PPP2R5A: variants seen among roughly 807,000 people sequenced by gnomAD.
The protein encoded by PPP2R5A is serine/threonine-protein phosphatase 2A 56 kDa regulatory subunit alpha isoform.
Under a neutral mutation model 64.2 loss-of-function variants are expected in PPP2R5A, and 25 were observed. The ratio of observed to expected loss-of-function variants is 0.39; its 90% CI spans 0.28 to 0.54. The LOEUF is 0.54. PPP2R5A is among the 20% of genes least tolerant of loss of function. PPP2R5A has a pLI of 0.67. For missense variants in PPP2R5A, 425 were observed against 576.3 expected (o/e 0.74, Z 2.69); for synonymous variants, 198 against 201.2 (o/e 0.98, Z 0.13).
At position 212,286,274 on chromosome 1, in the gene PPP2R5A, C is replaced by T. The variant is rs977767402; in HGVS notation, c.164C>T (p.Pro55Leu). The T allele has an allele frequency of 1.3e-6, 2 of 1,528,238 alleles. No homozygotes were observed. The highest frequency in any genetic ancestry group is 1.4e-5 in the African/African-American group (1 of 70,670). 94.7% of individuals were successfully genotyped at this position (1,528,238 alleles called of 1,614,324 possible). A position where few individuals can be genotyped will look rare whatever the true frequency, so the allele number is the denominator to read the frequency against. The change falls in exon 1 of 13, where the codon CCG (proline) becomes CTG (leucine). Residue 55 changes from proline to leucine, a missense_variant. Physicochemically the swap from Pro to Leu is moderately conservative, Grantham distance 98 (BLOSUM62 -3). Transcript: ENST00000261461. ...RSQGSQAELH[P>L]LPQLKDATSN... is the part of the protein sequence containing the mutation. Reference sequence around the variant, plus strand: ...CAGGGCAGCCAGGCAGAGCTGCACCCGCTGCCCCAGCTCAAAGGTAACCTC... The same window carrying T: ...CAGGGCAGCCAGGCAGAGCTGCACCTGCTGCCCCAGCTCAAAGGTAACCTC...
intron 1 of PPP2R5A, among the ~76,000 whole-genome samples, chr1:212,289,985 C>A (rs1658571653): frequency 6.6e-6 from 1 of 152,120 alleles, no homozygotes; most frequent in African/African-American, 2.4e-5. Context: ...AGAAATCAAC[C>A]TAACCAGTAG....
intron 8 of PPP2R5A, among the ~76,000 whole-genome samples, chr1:212,351,771 A>C (rs920519859): frequency 6.6e-6 from 1 of 152,120 alleles, no homozygotes; most frequent in African/African-American, 2.4e-5. Context: ...CTAAATATTC[A>C]TTACAGCTAA....
At chr1:212,316,237 T>G (rs1659150190) in intron 1 of PPP2R5A, among the ~76,000 whole-genome samples, 1 of 152,192 alleles carries the variant, frequency 6.6e-6, no homozygotes, top group African/African-American at 2.4e-5. Flanking sequence ...GCTAGGCCTC[T>G]TGTACCAAAC....
intron 1 of PPP2R5A, chr1:212,306,821 G>A (rs1379151501): frequency 1.3e-5 from 2 of 151,866 alleles, no homozygotes; most frequent in African/African-American, 2.4e-5. Flanking sequence ...GTAGTGGCGC[G>A]ATCTCCACTC....
intron 1 of PPP2R5A, among the ~76,000 whole-genome samples, chr1:212,293,057 A>T (rs1658631107): frequency 6.6e-6 from 1 of 152,236 alleles, no homozygotes; most frequent in African/African-American, 2.4e-5. Flanking sequence ...GGATGCTAAA[A>T]GCCTAAAACA....
chr1:212,327,668 C>A (rs1659429820), intron 1 of PPP2R5A, among the ~76,000 whole-genome samples: 1 of 152,198 alleles, frequency 6.6e-6, no homozygotes, highest in Non-Finnish European at 1.5e-5. Flanking sequence ...CCTGCCTCAG[C>A]CTTCCAAAGT....
At chr1:212,313,500 T>C (rs1188546103) in intron 1 of PPP2R5A, among the ~76,000 whole-genome samples, 1 of 152,308 alleles carries the variant, frequency 6.6e-6, no homozygotes, top group Admixed American at 6.5e-5. Context: ...TTTGGGTTTT[T>C]TTCTTAATGA....
Position 212,285,861 on chromosome 1 carries a change from C to A in PPP2R5A, c.-250C>A. The A allele has an allele frequency of 2.6e-6, 1 of 387,170 alleles. No individual in the cohort carries two copies. The highest frequency in any genetic ancestry group is 4.6e-6 in the Non-Finnish European group (1 of 219,774). The allele number at this position is 387,170 out of a possible 1,614,324, so 24.0% of individuals were successfully genotyped here. On this transcript the variant is annotated 5_prime_UTR_variant, in exon 1 of 13. Coordinates refer to ENST00000261461, the MANE Select transcript of PPP2R5A (RefSeq NM_006243.4). ...CTTCTTCACCCCCCTCCGCCCCCGC[C>A]CTTCCCTCCGTCAGCCCCGGGAGCT...
intron 1 of PPP2R5A, among the ~76,000 whole-genome samples, chr1:212,326,164 A>G (rs981456455): frequency 6.6e-6 from 1 of 152,120 alleles, no homozygotes; most frequent in Non-Finnish European, 1.5e-5. Flanking sequence ...TTCACCCCCA[A>G]TAGAATGAAT....
intron 1 of PPP2R5A, among the ~76,000 whole-genome samples, chr1:212,304,611 G>A (rs1474840772): frequency 4.6e-5 from 7 of 151,194 alleles, no homozygotes; most frequent in Non-Finnish European, 1.0e-4. Flanking sequence ...TGCAGTGGCC[G>A]TTCACAGATG....
chr1:212,319,898 CA>C (rs1409018168), intron 1 of PPP2R5A, among the ~76,000 whole-genome samples: 1 of 150,408 alleles, frequency 6.6e-6, no homozygotes, highest in Non-Finnish European at 1.5e-5. Flanking sequence ...GCTGGGATTA[CA>C]GGCATGAGCC....
chr1:212,321,289 C>G (rs1041632771), intron 1 of PPP2R5A, among the ~76,000 whole-genome samples: 9 of 147,912 alleles, frequency 6.1e-5, no homozygotes, highest in African/African-American at 2.3e-4. Flanking sequence ...CCCCTCACCT[C>G]CCGGACGGGG....
chr1:212,338,419 C>CT (rs1659625822), intron 3 of PPP2R5A, among the ~76,000 whole-genome samples: 1 of 152,186 alleles, frequency 6.6e-6, no homozygotes, highest in Non-Finnish European at 1.5e-5. Context: ...CTTTGCAACA[C>CT]TGTTTCTTAG....
chr1:212,352,523 G>A (rs1659905584), intron 8 of PPP2R5A, among the ~76,000 whole-genome samples: 1 of 151,676 alleles, frequency 6.6e-6, no homozygotes, highest in Non-Finnish European at 1.5e-5. Flanking sequence ...GATTGTGGCT[G>A]ACGGCAGCCC....
chr1:212,310,930 C>G (rs1338140655), intron 1 of PPP2R5A, among the ~76,000 whole-genome samples: 4 of 152,196 alleles, frequency 2.6e-5, no homozygotes, highest in African/African-American at 9.7e-5. Context: ...CTCTGCGTCT[C>G]TTTGAAGTAG....
At chr1:212,344,686 TAA>T (rs371695845) in intron 4 of PPP2R5A, among the ~76,000 whole-genome samples, 1 of 152,150 alleles carries the variant, frequency 6.6e-6, no homozygotes, top group South Asian at 2.1e-4. Context: ...CAGAAGAAAT[TAA>T]GTTTCTTTAC....
chr1:212,311,774 A>G (rs1050607263), intron 1 of PPP2R5A, among the ~76,000 whole-genome samples: 4 of 152,214 alleles, frequency 2.6e-5, no homozygotes, highest in Non-Finnish European at 4.4e-5. Flanking sequence ...TCTGAAAAAT[A>G]GAAAAAAGCT....
rs1204956766 is a variant in PPP2R5A, at chr1:212,358,752, T to C, written c.1293T>C (p.Asp431=). 1 of 1,613,514 alleles carries C rather than the reference T, an allele frequency of 6.2e-7. No homozygotes were observed. Among genetic ancestry groups the C allele is most frequent in the African/African-American group, 1.3e-5 (1 of 74,922 alleles). ...TLMEMNGKLF[D]DLTSSYKAER... ...TGGAAATGAATGGCAAGCTTTTCGA[T>C]GACCTTACTAGCTCATACAAAGCTG... The change falls in exon 12 of 13, where the codon GAT becomes GAC. Residue 431 remains aspartate (D), a synonymous_variant. Coordinates refer to ENST00000261461, the MANE Select transcript of PPP2R5A (RefSeq NM_006243.4).
chr1:212,355,999 G>A (rs1179073997), intron 8 of PPP2R5A, among the ~76,000 whole-genome samples: 1 of 152,042 alleles, frequency 6.6e-6, no homozygotes, highest in Non-Finnish European at 1.5e-5. Context: ...GGGAGGCCGA[G>A]GTTGCAGTGA....
Sources: gnomAD v4.1 joint callset for allele counts (sites outside exome capture counted in the v4.1 genomes callset) on GRCh38, gnomAD v4.1.1 for gene constraint, MANE v1.5 for transcripts, NCBI Gene and HGNC (gene_info 2026-07-23, HGNC 2026-07-21) for gene names.